The following CAMSAP2 variants were observed in gnomAD, a reference collection of about 807,000 sequenced individuals.
CAMSAP2 encodes the protein calmodulin regulated spectrin associated protein family member 2, also known as calmodulin-regulated spectrin-associated protein 2.
A neutral mutation model predicts 146.1 loss-of-function variants in CAMSAP2; 26 were observed. That is an observed-to-expected ratio of 0.18 (90% CI 0.13 to 0.25). The LOEUF (loss-of-function observed/expected upper bound fraction) is 0.25, where lower values mean the gene tolerates loss of function less well. CAMSAP2 is among the 10% of genes least tolerant of loss of function. The probability of loss-of-function intolerance (pLI) is 1.00; values close to 1 mark genes in which losing one functional copy is unlikely to be tolerated. For synonymous variants in CAMSAP2, 499 were observed against 596.6 expected (o/e 0.84, Z 2.38); for missense variants, 1,381 against 1,759.3 (o/e 0.78, Z 3.85).
chr1:200,770,843 C>T lies in CAMSAP2; in HGVS notation c.399+9745C>T, dbSNP rs78087423. Among the ~76,000 whole-genome samples the T allele has an allele frequency of 2.7e-3, 404 of 152,044 alleles. 4 individuals carry two copies. The highest frequency in any genetic ancestry group is 9.3e-3 in the African/African-American group (386 of 41,462). ...TTTTTTCACAAGTAAGGAAACTTTA[C>T]GGATGGGTTTATTTAGTAGATACTC... On this transcript the variant is annotated intron_variant, in intron 2 of 16. Coordinates refer to ENST00000358823, the MANE Select transcript of CAMSAP2 (RefSeq NM_203459.4).
intron 1 of CAMSAP2, among the ~76,000 whole-genome samples, chr1:200,757,134 A>G (rs533947831): frequency 7.2e-5 from 11 of 152,190 alleles, no homozygotes; most frequent in Non-Finnish European, 1.5e-4. Flanking sequence ...CTTAGAAACT[A>G]TTTTTTAGAT....
chr1:200,825,065 T>C (rs1666870081), intron 4 of CAMSAP2, among the ~76,000 whole-genome samples: 2 of 152,196 alleles, frequency 1.3e-5, no homozygotes, highest in Admixed American at 1.3e-4. Flanking sequence ...TAATAGTATA[T>C]AGTCAAAGTA....
chr1:200,832,094 C>G lies in CAMSAP2; in HGVS notation c.646-106C>G. 1.1e-6 allele frequency: 1 copy of G among 899,256 alleles called. No individual in the cohort carries two copies. Among genetic ancestry groups the G allele is most frequent in the East Asian group, 2.7e-5 (1 of 36,550 alleles). 55.7% of individuals were successfully genotyped at this position (899,256 alleles called of 1,614,324 possible). On this transcript the variant is annotated intron_variant, in intron 4 of 16. Transcript: ENST00000358823. This position sits in a 1 kb window ranked among gnomAD's most constrained non-coding sequence, Gnocchi z 4.2. ...GAAATATTGGTGAGTGGTCTCATTT[C>G]TCATGATTTATTTTATTACTGGTAC...
intron 2 of CAMSAP2, among the ~76,000 whole-genome samples, chr1:200,767,653 G>A (rs181136994): frequency 9.9e-5 from 15 of 152,214 alleles, no homozygotes; most frequent in African/African-American, 3.6e-4. Context: ...GTAATAGTAG[G>A]TGAGAAGACA....
intron 4 of CAMSAP2, among the ~76,000 whole-genome samples, chr1:200,819,638 T>A (rs555553795): frequency 6.6e-6 from 1 of 152,160 alleles, no homozygotes; most frequent in Admixed American, 6.5e-5. Flanking sequence ...TTTTTTTTAA[T>A]CTGTAAAAAT....
At position 200,860,313 on chromosome 1, in the gene CAMSAP2, C is replaced by A. The variant is rs774157829; in HGVS notation, c.*2254C>A. The A allele has an allele frequency of 2.6e-5, 4 of 152,642 alleles. No homozygotes were observed. Among genetic ancestry groups the A allele is most frequent in the Admixed American group, 2.6e-4 (4 of 15,278 alleles). The allele number at this position is 152,642 out of a possible 1,614,324, so 9.5% of individuals were successfully genotyped here. ...GATTTTCGTCAACCTTACTGAAACA[C>A]ACTGGTGCTTTCATCATCAGAGGTC... On this transcript the variant is annotated 3_prime_UTR_variant, in exon 17 of 17. Transcript: ENST00000358823.
At chr1:200,782,411 T>C (rs534521196) in intron 2 of CAMSAP2, among the ~76,000 whole-genome samples, 1 of 152,306 alleles carries the variant, frequency 6.6e-6, no homozygotes, top group South Asian at 2.1e-4. Flanking sequence ...AGTTGAGATA[T>C]AGAACATAAT....
intron 2 of CAMSAP2, among the ~76,000 whole-genome samples, chr1:200,770,402 A>T (rs1665082608): frequency 6.6e-6 from 1 of 151,596 alleles, no homozygotes; most frequent in East Asian, 1.9e-4. Context: ...AACCAAAACA[A>T]AATGTCCCCC....
intron 2 of CAMSAP2, among the ~76,000 whole-genome samples, chr1:200,789,787 T>C (rs1228668647): frequency 7.1e-6 from 1 of 139,924 alleles, no homozygotes; most frequent in Non-Finnish European, 1.5e-5. Context: ...TTTTTATCCA[T>C]GAACATGGAC....
rs1015919044 is a variant in CAMSAP2 at position 200,760,943 on chromosome 1, T to G, written c.244T>G (p.Cys82Gly). Reference protein sequence around the residue: ...VNLLLSAELYCRAGSLILKSD... With the variant: ...VNLLLSAELYGRAGSLILKSD... ...TTTGCTTCTATCGGCTGAACTATAC[T>G]GTCGTGCTGGGAGTCTCATTCTCAA... The change falls in exon 2 of 17, where the codon TGT (cysteine) becomes GGT (glycine). Residue 82 changes from cysteine to glycine, a missense_variant. Cys to Gly is a radical substitution (Grantham distance 159). Transcript: ENST00000358823. 6.2e-7 allele frequency: 1 copy of G among 1,614,190 alleles called. No homozygotes were observed. Among genetic ancestry groups the G allele is most frequent in the Non-Finnish European group, 8.5e-7 (1 of 1,180,032 alleles).
In CAMSAP2 at chr1:200,768,714, C is replaced by T. The variant is rs1302110386; in HGVS notation, c.399+7616C>T. On this transcript the variant is annotated intron_variant, in intron 2 of 16. Transcript: ENST00000358823. Reference sequence around the variant, plus strand: ...CTGTCACCAGGCTGGAGTGCAGTGGCGCGATCTCGGCTCACTGCAACCTCC... The same window carrying T: ...CTGTCACCAGGCTGGAGTGCAGTGGTGCGATCTCGGCTCACTGCAACCTCC... Among the ~76,000 whole-genome samples, 5 of 151,954 alleles carry T rather than the reference C, an allele frequency of 3.3e-5. No individual in the cohort carries two copies. The South Asian group carries it at 6.2e-4, about 19-fold the overall frequency.
Position 200,842,079 on chromosome 1 carries a change from C to T in CAMSAP2, c.1013C>T (p.Pro338Leu). The change falls in exon 7 of 17, where the codon CCA becomes CTA. Residue 338 changes from proline (P) to leucine (L), a missense_variant. Pro to Leu is a moderately conservative substitution (Grantham distance 98, BLOSUM62 -3). Around this residue, in one of 4 missense-constraint regions of CAMSAP2, gnomAD observed 447 missense variants for 462.2 expected, o/e 0.97. Coordinates refer to ENST00000358823, the MANE Select transcript of CAMSAP2 (RefSeq NM_203459.4). ...TTTGTACAGCCTCGTGTTGTTCGTC[C>T]ACAAGGAGGTAATCAATCTTTTTAA... ...PSFVQPRVVR[P>L]QGAEPVKDMP... 7 of 1,611,650 alleles carry T rather than the reference C, an allele frequency of 4.3e-6. No homozygotes were observed. Among genetic ancestry groups the T allele is most frequent in the Non-Finnish European group, 5.9e-6 (7 of 1,177,918 alleles).
chr1:200,771,327 T>C (rs1665111117), intron 2 of CAMSAP2, among the ~76,000 whole-genome samples: 1 of 152,122 alleles, frequency 6.6e-6, no homozygotes. Flanking sequence ...TAATTTTACA[T>C]TGTTTTAGAA....
chr1:200,848,381 G>A lies in CAMSAP2; in HGVS notation c.1612G>A (p.Glu538Lys), dbSNP rs370609236. Residue 538 changes from glutamate to lysine, a missense_variant, in exon 11 of 17, where the codon GAG (glutamate) becomes AAG (lysine). This residue lies in a region of CAMSAP2 where 447 missense variants were observed against 462.2 expected (regional missense o/e 0.97). Transcript: ENST00000358823. ...TCTTGACGAGTTTGGCAATCAGATC[G>A]AGACACCAAGCATTGAAGAAGCATT... ...ILLDEFGNQIETPSIEEALQI... is the reference protein window; with the variant it reads ...ILLDEFGNQIKTPSIEEALQI... The A allele has an allele frequency of 8.1e-5, 130 of 1,613,772 alleles. 2 individuals carry two copies. Among genetic ancestry groups the A allele is most frequent in the South Asian group, 7.7e-4 (70 of 91,066 alleles).
rs775505789 is a variant in CAMSAP2 at position 200,853,514 on chromosome 1, A to G, written c.3823+19A>G. On this transcript the variant is annotated intron_variant, in intron 13 of 16. Transcript: ENST00000358823. The surrounding 1 kb of genome is among the most constrained non-coding windows in gnomAD (Gnocchi z 5.1). ...CCTCCAGGTAACATAGCTTATTATGAAGAGTCTGTTCATAAAAAACACCAG... is the reference window on the plus strand; with the variant it reads ...CCTCCAGGTAACATAGCTTATTATGGAGAGTCTGTTCATAAAAAACACCAG... The G allele has an allele frequency of 1.7e-5, 26 of 1,568,360 alleles. No homozygotes were observed. Among genetic ancestry groups the G allele is most frequent in the Non-Finnish European group, 5.3e-6 (6 of 1,142,280 alleles).
chr1:200,847,784 T>C (rs929097812), intron 10 of CAMSAP2, 75 bp downstream of exon 10: 77 of 1,278,928 alleles, frequency 6.0e-5, no homozygotes, highest in Middle Eastern at 5.8e-4. Context: ...TCTCTTTTAT[T>C]GATAACCAAA....
chr1:200,814,125 A>AAAGGGGGGGGGGGGGGGGGGGGGGGGGG (rs1558188973), intron 3 of CAMSAP2, among the ~76,000 whole-genome samples: 1 of 3,966 alleles, frequency 2.5e-4, no homozygotes, highest in Non-Finnish European at 4.6e-4. Flanking sequence ...AAAAAAAAAA[A>AAAGGGGGGGGGGGGGGGGGGGGGGGGGG]GGTGGCGGGG....
At chr1:200,834,140 G>C (rs1041474668) in intron 6 of CAMSAP2, among the ~76,000 whole-genome samples, 3 of 152,260 alleles carry the variant, frequency 2.0e-5, no homozygotes. Context: ...GAGGTGGGCA[G>C]ATCACTGAGG....
chr1:200,847,275 C>G lies in CAMSAP2; in HGVS notation c.1175C>G (p.Ala392Gly). The G allele has an allele frequency of 2.5e-6, 4 of 1,610,932 alleles. No individual in the cohort carries two copies. The South Asian group carries it at 3.3e-5, about 13-fold the overall frequency. The change falls in exon 9 of 17, where the codon GCT becomes GGT. Residue 392 changes from alanine (A) to glycine (G), a missense_variant. Physicochemically the swap from Ala to Gly is moderately conservative, Grantham distance 60 (BLOSUM62 0). Transcript: ENST00000358823. The stretch of plus-strand genomic sequence containing the variant: ...CCTTCTAGGTATTCACGTCCCCAGG[C>G]TCATTCTTCAGCCTCAGGTAATATA... The part of the protein sequence containing the change: ...HLPSRYSRPQ[A>G]HSSASGGIRR...
Sources: gnomAD v4.1 joint callset for allele counts (sites outside exome capture counted in the v4.1 genomes callset) on GRCh38, gnomAD v4.1.1 for gene constraint, gnomAD v4.1.1 regional missense constraint, Gnocchi (gnomAD v3.1) non-coding constraint, MANE v1.5 for transcripts, NCBI Gene and HGNC (gene_info 2026-07-23, HGNC 2026-07-21) for gene names.